The following DYNAP variants were observed in gnomAD, a reference collection of about 807,000 sequenced individuals.
DYNAP encodes the protein dynactin-associated protein.
A neutral mutation model predicts 8.5 loss-of-function variants in DYNAP; 7 were observed. That is an observed-to-expected ratio of 0.82 (90% CI 0.47 to 1.54). The LOEUF is 1.54. Ranked by LOEUF, DYNAP falls within the 40% of genes most tolerant of loss-of-function variation. DYNAP has a pLI of 0.01. For missense variants in DYNAP, 256 were observed against 224.3 expected, an observed-to-expected ratio of 1.14 and a Z score of -0.90; for synonymous variants, 77 against 77.9, an observed-to-expected ratio of 0.99 and a Z score of 0.06.
intron 1 of DYNAP, among the ~76,000 whole-genome samples, chr18:54,592,668 G>GATTAAC (rs1386113698): frequency 6.6e-6 from 1 of 152,094 alleles, no homozygotes; most frequent in Non-Finnish European, 1.5e-5. Context: ...AGCTAATGCT[G>GATTAAC]ATTATGCTAA....
chr18:54,586,505 A>G (rs1910885282), upstream of DYNAP, among the ~76,000 whole-genome samples: 1 of 152,194 alleles, frequency 6.6e-6, no homozygotes, highest in African/African-American at 2.4e-5. Context: ...CCATGCTTCC[A>G]GTAAATATCC....
At chr18:54,596,698 A>G (rs1911304619) in intron 2 of DYNAP, among the ~76,000 whole-genome samples, 1 of 152,102 alleles carries the variant, frequency 6.6e-6, no homozygotes, top group Admixed American at 6.6e-5. Context: ...GATCATGTGC[A>G]TTTTATTCCA....
At chr18:54,587,976 C>T (rs1355777360), upstream of DYNAP, 1 of 396,036 alleles carries the variant, frequency 2.5e-6, no homozygotes, top group Non-Finnish European at 4.5e-6. Flanking sequence ...TCATTATGGT[C>T]CTTTCTCTAA....
the DYNAP span, among the ~76,000 whole-genome samples, chr18:54,581,292 G>A: frequency 3.0e-4 from 45 of 152,274 alleles, no homozygotes; most frequent in African/African-American, 1.1e-3. Flanking sequence ...TTTACTATAT[G>A]TCTATCTCCC....
In DYNAP at chr18:54,595,006, T is replaced by C. The variant is rs375300678; in HGVS notation, c.125T>C (p.Ile42Thr). 2.1e-5 allele frequency: 34 copies of C among 1,612,710 alleles called. No homozygotes were observed. The highest frequency in any genetic ancestry group is 2.9e-5 in the Non-Finnish European group (34 of 1,179,196). The change falls in exon 2 of 3, where the codon ATA (isoleucine) becomes ACA (threonine). Residue 42 changes from isoleucine (I) to threonine (T), a missense_variant. Ile to Thr is a moderately conservative substitution (Grantham distance 89). Transcript: ENST00000648945. Reference protein sequence around the residue: ...SICWCLPSNDITSDVSPNLTG... With the variant: ...SICWCLPSNDTTSDVSPNLTG... ...TGCTGGTGTCTACCTTCAAATGATA[T>C]AACCAGTGATGTCTCTCCCAACTTA...
At chr18:54,590,439 C>T (rs907786930), upstream of DYNAP, among the ~76,000 whole-genome samples, 3 of 152,030 alleles carry the variant, frequency 2.0e-5, no homozygotes, top group African/African-American at 4.8e-5. Flanking sequence ...GTAAAACTTA[C>T]AAGCTGAAGG....
chr18:54,595,198 C>T, intron 2 of DYNAP, 95 bp downstream of exon 2: 2 of 1,328,374 alleles, frequency 1.5e-6, no homozygotes, highest in Non-Finnish European at 2.0e-6. Flanking sequence ...TACTTAATTA[C>T]TTAATTCATT....
chr18:54,591,045 G>T (rs1045339087), upstream of DYNAP: 8 of 597,950 alleles, frequency 1.3e-5, no homozygotes, highest in African/African-American at 1.3e-4. Context: ...AGTCACAAAA[G>T]CTTTCAGAGG....
chr18:54,596,562 A>G (rs1453104539), intron 2 of DYNAP, among the ~76,000 whole-genome samples: 1 of 152,200 alleles, frequency 6.6e-6, no homozygotes, highest in African/African-American at 2.4e-5. Context: ...TGACTGATCT[A>G]GTCCCATTAA....
chr18:54,592,212 C>T (rs1911105764), intron 1 of DYNAP, among the ~76,000 whole-genome samples: 1 of 148,914 alleles, frequency 6.7e-6, no homozygotes, highest in Non-Finnish European at 1.5e-5. Context: ...GTCTGGAAGT[C>T]TGCTTGGTCA....
In DYNAP at chr18:54,599,236, A is replaced by G. The variant is rs777717247; in HGVS notation, c.*1091A>G. ...CAGAATTAATCTCTTAAAATATTTT[A>G]CAGAGTTTGACTCTTTTTGTCAACA... On this transcript the variant is annotated 3_prime_UTR_variant, in exon 3 of 3. Transcript: ENST00000648945. The G allele has an allele frequency of 9.2e-5, 14 of 152,152 alleles. No individual in the cohort carries two copies. The highest frequency in any genetic ancestry group is 1.9e-4 in the Non-Finnish European group (13 of 68,014). The allele number at this position is 152,152 out of a possible 1,614,324, so 9.4% of individuals were successfully genotyped here.
At chr18:54,590,178 T>C (rs1911014612), upstream of DYNAP, among the ~76,000 whole-genome samples, 1 of 152,132 alleles carries the variant, frequency 6.6e-6, no homozygotes, top group Non-Finnish European at 1.5e-5. Context: ...TTCCGCCTCC[T>C]CCCAGCCCCT....
At position 54,594,953 on chromosome 18, in the gene DYNAP, A is replaced by C. The variant is rs1315514916; in HGVS notation, c.72A>C (p.Pro24=). 1 of 1,610,818 alleles carries C rather than the reference A, an allele frequency of 6.2e-7. No homozygotes were observed. Among genetic ancestry groups the C allele is most frequent in the African/African-American group, 1.3e-5 (1 of 74,714 alleles). The change falls in exon 2 of 3, where the codon CCA becomes CCC. Residue 24 remains proline, a synonymous_variant. Coordinates refer to ENST00000648945, the MANE Select transcript of DYNAP (RefSeq NM_173629.3). ...HSENQPPITH[P]NDQEAHSSIC... ...TGCCTTTGTAGCCAATCACACATCC[A>C]AATGACCAAGAGGCTCACAGTTCCA... is the stretch of plus-strand genomic sequence containing the variant.
chr18:54,580,188 G>T, the DYNAP span, among the ~76,000 whole-genome samples: 120,785 of 152,106 alleles, frequency 0.79, 48,171 homozygotes, highest in Middle Eastern at 0.91. Flanking sequence ...TTTTAAAATT[G>T]ACAGTCAGAA....
the DYNAP span, among the ~76,000 whole-genome samples, chr18:54,580,204 C>T: frequency 6.6e-6 from 1 of 152,138 alleles, no homozygotes. Context: ...CAGAACAGAG[C>T]CAGAGCAAAA....
chr18:54,585,543 T>G (rs73962617), upstream of DYNAP, among the ~76,000 whole-genome samples: 901 of 152,316 alleles, frequency 5.9e-3, 10 homozygotes, highest in African/African-American at 0.021. Flanking sequence ...TCCATCCATG[T>G]GCACTGAGGA....
upstream of DYNAP, among the ~76,000 whole-genome samples, chr18:54,588,729 A>C (rs150083802): frequency 1.7e-3 from 260 of 152,322 alleles, 3 homozygotes; most frequent in African/African-American, 5.5e-3. Flanking sequence ...ACTTGGTATA[A>C]GTATTGGCTC....
chr18:54,582,285 CA>C, the DYNAP span, among the ~76,000 whole-genome samples: 4 of 143,992 alleles, frequency 2.8e-5, no homozygotes, highest in Non-Finnish European at 4.6e-5. Context: ...GACTCCATCT[CA>C]AAAAAAAAAG....
upstream of DYNAP, among the ~76,000 whole-genome samples, chr18:54,586,445 A>G (rs1847996264): frequency 6.6e-6 from 1 of 152,166 alleles, no homozygotes; most frequent in African/African-American, 2.4e-5. Flanking sequence ...AATTCCAGCC[A>G]TCTCTGTTTT....
Sources: allele counts gnomAD v4.1 joint callset (sites outside exome capture counted in the v4.1 genomes callset), GRCh38; gene constraint gnomAD v4.1.1; transcripts MANE v1.5; gene names NCBI Gene and HGNC (gene_info 2026-07-23, HGNC 2026-07-21).